SLC37A1: variants seen among roughly 807,000 people sequenced by gnomAD.
The protein encoded by SLC37A1 is solute carrier family 37 member 1.
Under a neutral mutation model 75.3 loss-of-function variants are expected in SLC37A1, and 49 were observed. The observed-to-expected ratio is 0.65, with a 90% CI of 0.52 to 0.83. SLC37A1 has a LOEUF of 0.83. SLC37A1 is among the 40% of genes least tolerant of loss of function. SLC37A1 has a pLI of 0.00. For synonymous variants in SLC37A1, 268 were observed against 292.1 expected (o/e 0.92, Z 0.84); for missense variants, 566 against 695.0 (o/e 0.81, Z 2.09).
chr21:42,544,450 A>G (rs1200825692), intron 8 of SLC37A1, among the ~76,000 whole-genome samples: 1 of 152,214 alleles, frequency 6.6e-6, no homozygotes, highest in African/African-American at 2.4e-5. Flanking sequence ...TAACCTTTTA[A>G]TTTTTAAGGT....
intron 17 of SLC37A1, among the ~76,000 whole-genome samples, chr21:42,570,613 C>T (rs1291553849): frequency 6.6e-6 from 1 of 152,232 alleles, no homozygotes; most frequent in Non-Finnish European, 1.5e-5. Context: ...TTCGGTCTGA[C>T]TCTGCTGTGA....
At chr21:42,513,149 G>C (rs144604854), upstream of SLC37A1, among the ~76,000 whole-genome samples, 1 of 152,174 alleles carries the variant, frequency 6.6e-6, no homozygotes, top group African/African-American at 2.4e-5. Flanking sequence ...GTGGGTGTTC[G>C]GCAGTAGCTT....
At chr21:42,515,662 A>C (rs2054510119) in intron 1 of SLC37A1, among the ~76,000 whole-genome samples, 1 of 152,026 alleles carries the variant, frequency 6.6e-6, no homozygotes, top group South Asian at 2.1e-4. Context: ...TGTCTTTCAG[A>C]GTCTGTTTGT....
At chr21:42,510,698 TAGAG>T (rs1471319115), upstream of SLC37A1, among the ~76,000 whole-genome samples, 1 of 151,782 alleles carries the variant, frequency 6.6e-6, no homozygotes, top group East Asian at 1.9e-4. Context: ...GGTTACCAAA[TAGAG>T]AGCAAAAAAG....
chr21:42,551,059 A>C (rs1037670659), intron 9 of SLC37A1, among the ~76,000 whole-genome samples: 2 of 152,260 alleles, frequency 1.3e-5, no homozygotes, highest in African/African-American at 4.8e-5. Flanking sequence ...ATTGTAATGC[A>C]GGCAGGCCAG....
At chr21:42,505,749 A>C (rs2054378842) in intron 2 of SLC37A1, among the ~76,000 whole-genome samples, 1 of 152,206 alleles carries the variant, frequency 6.6e-6, no homozygotes, top group Non-Finnish European at 1.5e-5. Flanking sequence ...AGAGCTTTTT[A>C]AATTTTGTTT....
At chr21:42,533,485 C>T (rs1344549185) in intron 3 of SLC37A1, among the ~76,000 whole-genome samples, 1 of 152,206 alleles carries the variant, frequency 6.6e-6, no homozygotes, top group African/African-American at 2.4e-5. Context: ...CGCAACAAGA[C>T]GAGCCCCTGC....
chr21:42,503,127 G>C (rs1478821937), intron 2 of SLC37A1, among the ~76,000 whole-genome samples: 1 of 151,916 alleles, frequency 6.6e-6, no homozygotes, highest in Non-Finnish European at 1.5e-5. Context: ...AAAGACAATA[G>C]TATTTCACCT....
At chr21:42,553,862 A>G (rs938684245) in intron 9 of SLC37A1, among the ~76,000 whole-genome samples, 200 bp from the exon 10 acceptor site, 2 of 152,222 alleles carry the variant, frequency 1.3e-5, no homozygotes, top group Non-Finnish European at 2.9e-5. Context: ...TCTTTCTTCA[A>G]GAGAGGATTT....
intron 2 of SLC37A1, among the ~76,000 whole-genome samples, chr21:42,524,611 G>A (rs1385804718): frequency 6.6e-6 from 1 of 152,244 alleles, no homozygotes; most frequent in East Asian, 1.9e-4. Context: ...GCCCAGGATA[G>A]CAGGCTACGC....
chr21:42,570,579 GC>G (rs2056133776), intron 17 of SLC37A1, among the ~76,000 whole-genome samples: 1 of 152,186 alleles, frequency 6.6e-6, no homozygotes, highest in African/African-American at 2.4e-5. Flanking sequence ...TTGGCCTTGT[GC>G]CTCAGTGGAC....
At chr21:42,521,550 C>G (rs935655247) in intron 2 of SLC37A1, among the ~76,000 whole-genome samples, 2 of 152,226 alleles carry the variant, frequency 1.3e-5, no homozygotes, top group Non-Finnish European at 2.9e-5. Context: ...CATGGAGCCT[C>G]TCACCCTAAG....
intron 11 of SLC37A1, among the ~76,000 whole-genome samples, chr21:42,560,885 C>T (rs1249014806): frequency 6.6e-6 from 1 of 152,196 alleles, no homozygotes; most frequent in African/African-American, 2.4e-5. Context: ...GAGGTATAGA[C>T]AGTATGGGCT....
intron 2 of SLC37A1, among the ~76,000 whole-genome samples, chr21:42,504,176 G>T (rs549450446): frequency 1.3e-5 from 2 of 152,144 alleles, no homozygotes; most frequent in Middle Eastern, 3.2e-3. Flanking sequence ...TTTCTTTTTA[G>T]CAGTTCTTTA....
At chr21:42,501,432 C>T (rs143786900) in intron 1 of SLC37A1, among the ~76,000 whole-genome samples, 13 of 152,260 alleles carry the variant, frequency 8.5e-5, no homozygotes, top group South Asian at 2.1e-4. Flanking sequence ...TTACCAGGGC[C>T]GGGAGCGGTG....
chr21:42,503,079 T>G lies in SLC37A1; in HGVS notation c.-179+662T>G, dbSNP rs548144579. 2.1e-4 allele frequency: 32 copies of G among 152,298 alleles called. 1 individual carries two copies. Among genetic ancestry groups the G allele is most frequent in the African/African-American group, 6.7e-4 (28 of 41,554 alleles). The allele number at this position is 152,298 out of a possible 1,614,324, so 9.4% of individuals were successfully genotyped here. ...TCACTTACATTATCACATGTCATTA[T>G]ATGGTGCACATGTCAAAAAAAATTT... is the stretch of plus-strand genomic sequence containing the variant. On this transcript the variant is annotated intron_variant, in intron 2 of 20. Coordinates refer to the SLC37A1 transcript ENST00000398341.
intron 2 of SLC37A1, among the ~76,000 whole-genome samples, chr21:42,524,418 T>C (rs1568990055): frequency 6.6e-6 from 1 of 152,242 alleles, no homozygotes; most frequent in Non-Finnish European, 1.5e-5. Context: ...GCTGCTTTTC[T>C]CCCAGCCAAA....
At chr21:42,558,080 T>C (rs1441325193) in intron 10 of SLC37A1, among the ~76,000 whole-genome samples, 2 of 152,194 alleles carry the variant, frequency 1.3e-5, no homozygotes, top group Non-Finnish European at 2.9e-5. Flanking sequence ...CAGCTAGGAC[T>C]ACAAGCGCAT....
chr21:42,534,967 T>A, intron 4 of SLC37A1, 137 bp downstream of exon 4: 1 of 1,227,336 alleles, frequency 8.1e-7, no homozygotes, highest in Non-Finnish European at 1.1e-6. Context: ...AAAAAGCACA[T>A]GACTTCACCG....
Sources: allele counts gnomAD v4.1 joint callset (sites outside exome capture counted in the v4.1 genomes callset), GRCh38; gene constraint gnomAD v4.1.1; transcripts MANE v1.5; gene names NCBI Gene and HGNC (gene_info 2026-07-23, HGNC 2026-07-21).